TTYH1: variants seen among roughly 807,000 people sequenced by gnomAD.
TTYH1 encodes protein tweety homolog 1.
TTYH1 carries 33 observed loss-of-function variants against 61.2 expected under a neutral mutation model. That is an observed-to-expected ratio of 0.54 (90% CI 0.41 to 0.72). The LOEUF (loss-of-function observed/expected upper bound fraction) is 0.72, where lower values mean the gene tolerates loss of function less well. Among genes scored for constraint, TTYH1 ranks in the 30% least tolerant of loss-of-function variants. The pLI is 0.00. For synonymous variants in TTYH1, 308 were observed against 266.4 expected (o/e 1.16, Z -1.52); for missense variants, 538 against 575.8 (o/e 0.93, Z 0.67).
rs751075560 is a variant in TTYH1, at chr19:54,419,343, G to A, written c.305+37G>A. On this transcript the variant is annotated intron_variant, in intron 2 of 13. Transcript: ENST00000376530. The surrounding 1 kb of genome is among the most constrained non-coding windows in gnomAD (Gnocchi z 6.1). ...CCAGGGTGGGTGGGCGGTGGGGACA[G>A]GGCTCCCCAAGCTCTTTGCTGGCCT... 6.4e-7 allele frequency: 1 copy of A among 1,570,380 alleles called. No homozygotes were observed. The highest frequency in any genetic ancestry group is 8.6e-7 in the Non-Finnish European group (1 of 1,163,204).
chr19:54,422,138 C>A, intron 3 of TTYH1, 52 bp from the exon 4 acceptor site: 1 of 1,469,326 alleles, frequency 6.8e-7, no homozygotes, highest in Non-Finnish European at 9.2e-7. Flanking sequence ...GCCTCGACCG[C>A]GGGCTCCCCC....
chr19:54,435,494 ATGGGGGAGGGGGTGGG>A, intron 10 of TTYH1, 32 bp from the exon 11 acceptor site: 2 of 1,544,906 alleles, frequency 1.3e-6, no homozygotes, highest in Non-Finnish European at 1.7e-6. Context: ...GTGTGTGCCG[ATGGGGGAGGGGGTGGG>A]GACGCATGGC....
Position 54,429,295 on chromosome 19 carries a change from C to T in TTYH1, c.735-12C>T, listed in dbSNP as rs2083386829. ...TAAGAACCCCGGGCTGATCCTCCCT[C>T]CCCCACTCTAGGATGACAGTCATGA... On this transcript the variant is annotated splice_polypyrimidine_tract_variant and intron_variant, in intron 5 of 13. Coordinates refer to ENST00000376530, the MANE Select transcript of TTYH1 (RefSeq NM_020659.4). The surrounding 1 kb of genome is among the most constrained non-coding windows in gnomAD (Gnocchi z 5.1). 4 of 1,613,640 alleles carry T rather than the reference C, an allele frequency of 2.5e-6. No individual in the cohort carries two copies. Among genetic ancestry groups the T allele is most frequent in the South Asian group, 1.1e-5 (1 of 91,066 alleles).
At chr19:54,424,227 A>C (rs2083278540) in intron 4 of TTYH1, among the ~76,000 whole-genome samples, 1 of 151,508 alleles carries the variant, frequency 6.6e-6, no homozygotes, top group South Asian at 2.1e-4. Context: ...CATCAGGGGG[A>C]CTGAGAAGGT....
At chr19:54,431,283 A>G (rs1489867816) in intron 10 of TTYH1, 92 bp downstream of exon 10, 2 of 829,400 alleles carry the variant, frequency 2.4e-6, no homozygotes, top group Non-Finnish European at 2.0e-6. Context: ...GACCCCTGCC[A>G]TTGCGCCTGA....
chr19:54,422,262 CCG>C lies in TTYH1; in HGVS notation c.494_495del (p.Arg165HisfsTer39). 1 of 1,565,676 alleles carries C rather than the reference CCG, an allele frequency of 6.4e-7. No homozygotes were observed. Among genetic ancestry groups the C allele is most frequent in the Non-Finnish European group, 8.7e-7 (1 of 1,155,458 alleles). On this transcript the variant is annotated frameshift_variant, in exon 4 of 14. Transcript: ENST00000376530. LOFTEE classifies it high-confidence loss of function. The stretch of plus-strand genomic sequence containing the variant: ...GACCACCCTGGAGGAGGTGCTCGAG[CCG>C]CGCACGGAGCTGGTGGCTGCCGCCC... Reference protein sequence around the residue: ...ELTTLEEVLEPRTELVAAARG... With the variant: ...ELTTLEEVLEXRTELVAAARG...
chr19:54,423,897 T>C (rs1013515308), intron 4 of TTYH1, among the ~76,000 whole-genome samples: 1 of 152,058 alleles, frequency 6.6e-6, no homozygotes, highest in African/African-American at 2.4e-5. Flanking sequence ...GCACGGTGGT[T>C]CACGCCTGTA....
Position 54,429,515 on chromosome 19 carries a change from G to C in TTYH1, c.807+136G>C, listed in dbSNP as rs1313844325. 2 of 800,742 alleles carry C rather than the reference G, an allele frequency of 2.5e-6. No individual in the cohort carries two copies. The highest frequency in any genetic ancestry group is 3.4e-5 in the African/African-American group (2 of 58,382). 49.6% of individuals were successfully genotyped at this position (800,742 alleles called of 1,614,324 possible). ...ATCACAGCTCTGAGGTTTAGGGCTT[G>C]TTTCCTGGGGCCTGAGTGGGTACAG... On this transcript the variant is annotated intron_variant, in intron 6 of 13. Transcript: ENST00000376530. The surrounding 1 kb of genome is among the most constrained non-coding windows in gnomAD (Gnocchi z 5.1).
rs2083274857 is a variant in TTYH1, at chr19:54,424,085, CA to C, written c.638+1676del. Among the ~76,000 whole-genome samples, 92 of 151,988 alleles carry C rather than the reference CA, an allele frequency of 6.1e-4. 1 individual carries two copies. Among genetic ancestry groups the C allele is most frequent in the Non-Finnish European group, 8.7e-4 (59 of 67,960 alleles). ...CTGAGACAGGAGAATCGCTTGAACC[CA>C]GGAAGTGGAGCTTGCAGTGAGCAGA... On this transcript the variant is annotated intron_variant, in intron 4 of 13. Coordinates refer to ENST00000376530, the MANE Select transcript of TTYH1 (RefSeq NM_020659.4).
chr19:54,428,665 T>C (rs2083376677), intron 5 of TTYH1, among the ~76,000 whole-genome samples: 1 of 152,168 alleles, frequency 6.6e-6, no homozygotes, highest in South Asian at 2.1e-4. Flanking sequence ...GCATTCTCTC[T>C]GGCCCTGGTG....
At position 54,422,269 on chromosome 19, in the gene TTYH1, C is replaced by A. The variant is rs372688340; in HGVS notation, c.497C>A (p.Thr166Lys). 4 of 1,566,762 alleles carry A rather than the reference C, an allele frequency of 2.6e-6. No individual in the cohort carries two copies. The highest frequency in any genetic ancestry group is 1.3e-5 in the African/African-American group (1 of 74,384). Residue 166 changes from threonine to lysine, a missense_variant, in exon 4 of 14, where the codon ACG becomes AAG. Coordinates refer to ENST00000376530, the MANE Select transcript of TTYH1 (RefSeq NM_020659.4). The stretch of plus-strand genomic sequence containing the variant: ...CTGGAGGAGGTGCTCGAGCCGCGCA[C>A]GGAGCTGGTGGCTGCCGCCCGAGGG... ...TTLEEVLEPR[T>K]ELVAAARGAR...
intron 4 of TTYH1, among the ~76,000 whole-genome samples, chr19:54,423,256 G>A (rs891098167): frequency 6.7e-5 from 10 of 149,290 alleles, no homozygotes; most frequent in Non-Finnish European, 1.5e-5. Context: ...AGAGTGCAGC[G>A]GTGCGATCTC....
intron 10 of TTYH1, chr19:54,433,170 A>C (rs941368894): frequency 2.6e-5 from 4 of 152,228 alleles, no homozygotes; most frequent in African/African-American, 9.7e-5. Flanking sequence ...GGAAGAGGAC[A>C]GATCACTCTA....
Position 54,436,561 on chromosome 19 carries a change from C to T in TTYH1, c.*271C>T, listed in dbSNP as rs1252385932. The T allele has an allele frequency of 9.3e-6, 6 of 643,360 alleles. No individual in the cohort carries two copies. Among genetic ancestry groups the T allele is most frequent in the South Asian group, 1.8e-5 (1 of 55,172 alleles). The allele number at this position is 643,360 out of a possible 1,614,324, so 39.9% of individuals were successfully genotyped here. On this transcript the variant is annotated 3_prime_UTR_variant, in exon 14 of 14. Coordinates refer to ENST00000376530, the MANE Select transcript of TTYH1 (RefSeq NM_020659.4). The surrounding 1 kb of genome is among the most constrained non-coding windows in gnomAD (Gnocchi z 4.3). ...CCTCGCACCCTTCATCCCTGGCTGC[C>T]GGTCCCATCCTTGGAGGGACTAAGC... is the stretch of plus-strand genomic sequence containing the variant.
At chr19:54,430,499 C>G in intron 7 of TTYH1, 51 bp from the exon 8 acceptor site, 1 of 1,597,642 alleles carries the variant, frequency 6.3e-7, no homozygotes, top group Non-Finnish European at 8.6e-7. Context: ...CCCGGGAGAT[C>G]CCTGGGGGCC....
chr19:54,428,277 T>C (rs1158868227), intron 5 of TTYH1, among the ~76,000 whole-genome samples: 1 of 151,796 alleles, frequency 6.6e-6, no homozygotes, highest in Non-Finnish European at 1.5e-5. Context: ...TTAGTAGAGA[T>C]GGGGTTTCTC....
Position 54,429,237 on chromosome 19 carries a change from T to C in TTYH1, c.735-70T>C. The C allele has an allele frequency of 2.1e-6, 3 of 1,425,912 alleles. No individual in the cohort carries two copies. Among genetic ancestry groups the C allele is most frequent in the Non-Finnish European group, 3.0e-6 (3 of 1,010,378 alleles). The allele number at this position is 1,425,912 out of a possible 1,614,324, so 88.3% of individuals were successfully genotyped here. A position where few individuals can be genotyped will look rare whatever the true frequency, so the allele number is the denominator to read the frequency against. ...GAGGTGGGGGGCGGCTGTGATGGGA[T>C]TTGGGGTGTGGAAAGAGGCTAGGCT... On this transcript the variant is annotated intron_variant, in intron 5 of 13. Transcript: ENST00000376530. This position sits in a 1 kb window ranked among gnomAD's most constrained non-coding sequence, Gnocchi z 5.1.
intron 4 of TTYH1, among the ~76,000 whole-genome samples, chr19:54,425,959 G>A (rs1436890527): frequency 1.3e-5 from 2 of 151,770 alleles, no homozygotes; most frequent in South Asian, 2.1e-4. Flanking sequence ...CAAGTGATCC[G>A]CCTGCCTCAG....
At position 54,415,687 on chromosome 19, in the gene TTYH1, G is replaced by C. The variant is rs769364454; in HGVS notation, c.126+9G>C. 2.5e-5 allele frequency: 38 copies of C among 1,540,932 alleles called. No individual in the cohort carries two copies. The highest frequency in any genetic ancestry group is 3.1e-5 in the Non-Finnish European group (36 of 1,150,520). ...AGCAGGAATACCAGCAGGTGGGACC[G>C]GGCGCCAGGGCCTGGGGGCCAGGGC... On this transcript the variant is annotated intron_variant, in intron 1 of 13. Transcript: ENST00000376530. The surrounding 1 kb of genome is among the most constrained non-coding windows in gnomAD (Gnocchi z 5.2).
Sources: allele counts gnomAD v4.1 joint callset (sites outside exome capture counted in the v4.1 genomes callset), GRCh38; gene constraint gnomAD v4.1.1; non-coding constraint Gnocchi (gnomAD v3.1); transcripts MANE v1.5; gene names NCBI Gene and HGNC (gene_info 2026-07-23, HGNC 2026-07-21).